Variants in NKAIN2 observed in about 807,000 individuals in gnomAD.
NKAIN2 encodes the protein sodium/potassium transporting ATPase interacting 2, also known as sodium/potassium-transporting ATPase subunit beta-1-interacting protein 2.
In NKAIN2, 14 loss-of-function variants were observed where a neutral mutation model predicts 32.6. The observed-to-expected ratio is 0.43, with a 90% confidence interval of 0.28 to 0.67. The LOEUF (loss-of-function observed/expected upper bound fraction) is 0.67, where lower values mean the gene tolerates loss of function less well. Among genes scored for constraint, NKAIN2 ranks in the 30% least tolerant of loss-of-function variants. The pLI is 0.17. For synonymous variants in NKAIN2, 80 were observed against 87.2 expected (o/e 0.92, Z 0.46); for missense variants, 198 against 258.3 (o/e 0.77, Z 1.60).
intron 1 of NKAIN2, among the ~76,000 whole-genome samples, chr6:123,932,870 G>A (rs1373721804): frequency 6.8e-6 from 1 of 147,560 alleles, no homozygotes; most frequent in Non-Finnish European, 1.5e-5. Flanking sequence ...TCTTTCTCCT[G>A]TCTTCCCTTT....
chr6:124,195,920 A>G (rs930062633), intron 1 of NKAIN2, among the ~76,000 whole-genome samples: 1 of 151,976 alleles, frequency 6.6e-6, no homozygotes, highest in Non-Finnish European at 1.5e-5. Context: ...TGCTCCTTCT[A>G]GTGTACTTGG....
intron 1 of NKAIN2, among the ~76,000 whole-genome samples, chr6:124,135,142 A>G (rs929639202): frequency 2.0e-5 from 3 of 152,130 alleles, no homozygotes; most frequent in African/African-American, 7.2e-5. Flanking sequence ...ATCTTGAAAC[A>G]AAACCTCAAA....
chr6:124,652,957 C>T (rs904288812), intron 3 of NKAIN2, among the ~76,000 whole-genome samples: 1 of 152,074 alleles, frequency 6.6e-6, no homozygotes, highest in African/African-American at 2.4e-5. Context: ...CAAAATCTAG[C>T]AAAATATGTA....
chr6:124,676,739 T>C (rs574042563), intron 4 of NKAIN2, among the ~76,000 whole-genome samples: 11 of 152,286 alleles, frequency 7.2e-5, no homozygotes, highest in South Asian at 2.1e-4. Context: ...ACTGGGATTA[T>C]AGGCATGAGC....
chr6:124,670,074 A>G (rs956378982), intron 4 of NKAIN2, among the ~76,000 whole-genome samples: 2 of 152,156 alleles, frequency 1.3e-5, no homozygotes, highest in African/African-American at 2.4e-5. Context: ...AGTAATGGCA[A>G]AAACCACAAT....
At chr6:124,328,400 A>AT (rs1196174203) in intron 2 of NKAIN2, among the ~76,000 whole-genome samples, 5 of 152,158 alleles carry the variant, frequency 3.3e-5, no homozygotes, top group Non-Finnish European at 7.4e-5. Flanking sequence ...GTTTATGCTT[A>AT]TGGTGATTCA....
intron 4 of NKAIN2, among the ~76,000 whole-genome samples, chr6:124,763,177 A>T (rs759608453): frequency 5.3e-5 from 8 of 152,190 alleles, no homozygotes; most frequent in Non-Finnish European, 1.0e-4. Flanking sequence ...AAAACATTCA[A>T]ACTTTTAGTT....
intron 3 of NKAIN2, among the ~76,000 whole-genome samples, chr6:124,414,267 T>C (rs1774359152): frequency 6.6e-6 from 1 of 152,190 alleles, no homozygotes; most frequent in Admixed American, 6.5e-5. Flanking sequence ...TATAAAATGT[T>C]TTTTCTTCAC....
intron 1 of NKAIN2, among the ~76,000 whole-genome samples, chr6:123,908,835 A>G (rs897533346): frequency 2.0e-5 from 3 of 152,220 alleles, no homozygotes; most frequent in Non-Finnish European, 4.4e-5. Flanking sequence ...TTAATTTCAA[A>G]TAAGTTTTCA....
chr6:124,414,137 T>C (rs1054513819), intron 3 of NKAIN2, among the ~76,000 whole-genome samples: 1 of 152,126 alleles, frequency 6.6e-6, no homozygotes, highest in African/African-American at 2.4e-5. Context: ...ATTCAGGGTT[T>C]TACCATTAAA....
chr6:124,062,603 A>G (rs1384902279), intron 1 of NKAIN2, among the ~76,000 whole-genome samples: 1 of 151,974 alleles, frequency 6.6e-6, no homozygotes, highest in Non-Finnish European at 1.5e-5. Context: ...TAATCTTTGT[A>G]TTTTTTGTAG....
intron 3 of NKAIN2, among the ~76,000 whole-genome samples, chr6:124,489,413 A>G (rs968824243): frequency 4.6e-5 from 7 of 151,918 alleles, no homozygotes; most frequent in Non-Finnish European, 1.0e-4. Context: ...TAATTCACTT[A>G]TAGCTCATGT....
chr6:124,338,098 C>T, intron 2 of NKAIN2, among the ~76,000 whole-genome samples: 1 of 152,150 alleles, frequency 6.6e-6, no homozygotes. Flanking sequence ...GGACTCAACA[C>T]TTTTAGCTAT....
rs6922519 is a variant in NKAIN2, at chr6:124,393,490, C to T, written c.273+38143C>T. Among the ~76,000 whole-genome samples the T allele has an allele frequency of 9.1e-3, 1,385 of 152,184 alleles. 15 individuals are homozygous for T. The highest frequency in any genetic ancestry group is 0.028 in the African/African-American group (1,183 of 41,514). On this transcript the variant is annotated intron_variant, in intron 3 of 6. Coordinates refer to ENST00000368417, the MANE Select transcript of NKAIN2 (RefSeq NM_001040214.3). ...TTGCTAGTTTTATGATACAGACAAA[C>T]GCTTCTTCTCTCTAAAGTTAATAGA...
intron 1 of NKAIN2, among the ~76,000 whole-genome samples, chr6:124,269,194 A>C (rs1794633972): frequency 6.6e-6 from 1 of 152,122 alleles, no homozygotes; most frequent in South Asian, 2.1e-4. Context: ...GTCTTATTAC[A>C]CTTACCCATG....
chr6:124,150,881 T>A (rs1323260136), intron 1 of NKAIN2, among the ~76,000 whole-genome samples: 1 of 152,180 alleles, frequency 6.6e-6, no homozygotes, highest in Non-Finnish European at 1.5e-5. Context: ...TGTAAAAACA[T>A]TATATTTGTC....
intron 1 of NKAIN2, among the ~76,000 whole-genome samples, chr6:123,914,214 C>CGA (rs35122780): frequency 0.43 from 64,986 of 149,974 alleles, 15,067 homozygotes; most frequent in African/African-American, 0.61. Flanking sequence ...TTGTGTATGA[C>CGA]GAGAGAGAGA....
chr6:124,651,717 G>A (rs1332423121), intron 3 of NKAIN2, among the ~76,000 whole-genome samples: 3 of 152,314 alleles, frequency 2.0e-5, no homozygotes, highest in East Asian at 3.9e-4. Flanking sequence ...CAAGGAGCTT[G>A]TGGAGGGCAT....
chr6:124,251,959 G>T (rs1467037235), intron 1 of NKAIN2, among the ~76,000 whole-genome samples: 1 of 151,940 alleles, frequency 6.6e-6, no homozygotes, highest in Non-Finnish European at 1.5e-5. Flanking sequence ...TTGAGATGAT[G>T]AATATGCTAA....
Sources: gnomAD v4.1 joint callset for allele counts (sites outside exome capture counted in the v4.1 genomes callset) on GRCh38, gnomAD v4.1.1 for gene constraint, MANE v1.5 for transcripts, NCBI Gene and HGNC (gene_info 2026-07-23, HGNC 2026-07-21) for gene names.